Variants in ANO3 observed in about 807,000 individuals in gnomAD.
ANO3 encodes the protein anoctamin 3, also known as anoctamin-3.
A neutral mutation model predicts 144.8 loss-of-function variants in ANO3; 99 were observed. The observed-to-expected ratio is 0.68, with a 90% CI of 0.58 to 0.81. The LOEUF (loss-of-function observed/expected upper bound fraction) is 0.81, where lower values mean the gene tolerates loss of function less well. Among genes scored for constraint, ANO3 ranks in the 30% least tolerant of loss-of-function variants. The probability of loss-of-function intolerance (pLI) is 0.00; values close to 1 mark genes in which losing one functional copy is unlikely to be tolerated. For synonymous variants in ANO3, 414 were observed against 392.6 expected (o/e 1.05, Z -0.64); for missense variants, 905 against 1,202.2 (o/e 0.75, Z 3.66).
intron 17 of ANO3, among the ~76,000 whole-genome samples, chr11:26,610,711 A>C (rs1317754696): frequency 2.0e-5 from 3 of 152,254 alleles, no homozygotes; most frequent in African/African-American, 7.2e-5. Context: ...ATGTAGTGAA[A>C]GATAGTGTTG....
chr11:26,465,000 G>T (rs994424252), intron 4 of ANO3, among the ~76,000 whole-genome samples: 8 of 151,504 alleles, frequency 5.3e-5, no homozygotes, highest in African/African-American at 1.7e-4. Flanking sequence ...AATTTCCTTT[G>T]TGTACATTTG....
At chr11:26,259,823 C>G (rs1259486158) in intron 1 of ANO3, among the ~76,000 whole-genome samples, 5 of 152,008 alleles carry the variant, frequency 3.3e-5, no homozygotes, top group Admixed American at 3.3e-4. Flanking sequence ...ACATAACTTA[C>G]ATAAAGAAAA....
chr11:26,214,147 T>G (rs1851990903), intron 1 of ANO3, among the ~76,000 whole-genome samples: 1 of 152,044 alleles, frequency 6.6e-6, no homozygotes, highest in Admixed American at 6.6e-5. Context: ...GAATAAAATA[T>G]AGCATCACTC....
At chr11:26,636,762 T>G (rs926798026) in intron 20 of ANO3, among the ~76,000 whole-genome samples, 1 of 152,190 alleles carries the variant, frequency 6.6e-6, no homozygotes. Context: ...TAATGAAAAT[T>G]TATTTTGCTG....
rs916386992 is a variant in ANO3 at position 26,525,557 on chromosome 11, A to G, written c.693-78A>G. The G allele has an allele frequency of 1.6e-5, 19 of 1,160,068 alleles. No individual in the cohort carries two copies. The South Asian group carries it at 2.5e-4, about 15-fold the overall frequency. 71.9% of individuals were successfully genotyped at this position (1,160,068 alleles called of 1,614,324 possible). A position where few individuals can be genotyped will look rare whatever the true frequency, so the allele number is the denominator to read the frequency against. On this transcript the variant is annotated intron_variant, in intron 6 of 26. Transcript: ENST00000256737. ...AACTTGGAGTATAGAAATGCTCAAT[A>G]TGATTGAATGTTGTCACTCACTCGT...
chr11:26,553,224 G>GTTTTTTTTTTTTTTTTT, intron 12 of ANO3, 25 bp from the exon 13 acceptor site: 1 of 1,172,130 alleles, frequency 8.5e-7, no homozygotes, highest in Admixed American at 2.1e-5. Flanking sequence ...GTTTTGTTTT[G>GTTTTTTTTTTTTTTTTT]TTTTTGTTTT....
chr11:26,584,559 A>G (rs936662506), intron 14 of ANO3, among the ~76,000 whole-genome samples: 1 of 152,228 alleles, frequency 6.6e-6, no homozygotes, highest in African/African-American at 2.4e-5. Context: ...GTTCAATTTG[A>G]TGAACATTTA....
At chr11:26,579,409 A>G (rs1851072951) in intron 14 of ANO3, among the ~76,000 whole-genome samples, 4 of 152,192 alleles carry the variant, frequency 2.6e-5, no homozygotes. Flanking sequence ...AAAAGTAGGG[A>G]CAGAAGGAAA....
chr11:26,281,786 A>T (rs955154197), intron 1 of ANO3, among the ~76,000 whole-genome samples: 10 of 152,184 alleles, frequency 6.6e-5, no homozygotes, highest in African/African-American at 2.4e-4. Context: ...TTGAAGAGAC[A>T]TATCTTTGCC....
intron 1 of ANO3, among the ~76,000 whole-genome samples, chr11:26,231,872 G>A (rs1564926862): frequency 6.6e-6 from 1 of 152,142 alleles, no homozygotes. Context: ...TTAGTTTAAA[G>A]TGTGCTTCTG....
chr11:26,497,938 A>G (rs1192237481), intron 4 of ANO3, among the ~76,000 whole-genome samples: 1 of 151,932 alleles, frequency 6.6e-6, no homozygotes, highest in African/African-American at 2.4e-5. Context: ...TTTCTTTTGT[A>G]TTTCCATGTG....
At chr11:26,315,686 C>CTATCTATCTATCT (rs1564961787) in intron 1 of ANO3, among the ~76,000 whole-genome samples, 1 of 108,228 alleles carries the variant, frequency 9.2e-6, no homozygotes, top group African/African-American at 2.9e-5. Flanking sequence ...TCTATCTATC[C>CTATCTATCTATCT]ATCTATCTAT....
intron 1 of ANO3, among the ~76,000 whole-genome samples, chr11:26,395,225 T>C (rs980518063): frequency 6.6e-6 from 1 of 152,178 alleles, no homozygotes; most frequent in African/African-American, 2.4e-5. Flanking sequence ...TCCAGCTCTG[T>C]TCTTTTTACT....
At chr11:26,229,763 T>G (rs1852349193) in intron 1 of ANO3, among the ~76,000 whole-genome samples, 2 of 151,578 alleles carry the variant, frequency 1.3e-5, no homozygotes, top group East Asian at 3.9e-4. Context: ...AGAAAGGGTG[T>G]GAAACTTTAA....
chr11:26,210,587 T>C (rs71480110), intron 1 of ANO3, among the ~76,000 whole-genome samples: 45,982 of 152,098 alleles, frequency 0.3, 7,692 homozygotes, highest in Non-Finnish European at 0.37. Context: ...ATGGCCATTT[T>C]CATGACATTG....
intron 18 of ANO3, among the ~76,000 whole-genome samples, chr11:26,627,465 A>G (rs1299394486): frequency 6.6e-6 from 1 of 152,078 alleles, no homozygotes; most frequent in Admixed American, 6.6e-5. Flanking sequence ...TACAATAAAT[A>G]GCAATGGTCC....
intron 1 of ANO3, among the ~76,000 whole-genome samples, chr11:26,360,099 T>C (rs1174674995): frequency 6.6e-6 from 1 of 152,002 alleles, no homozygotes; most frequent in Non-Finnish European, 1.5e-5. Context: ...CTTCTAGTGT[T>C]TTTTAAATTT....
chr11:26,224,864 G>T (rs1852226003), intron 1 of ANO3, among the ~76,000 whole-genome samples: 1 of 152,150 alleles, frequency 6.6e-6, no homozygotes, highest in African/African-American at 2.4e-5. Flanking sequence ...GCAAACAAGA[G>T]GAGGAAGAGC....
At chr11:26,293,253 G>C (rs1259375991) in intron 1 of ANO3, among the ~76,000 whole-genome samples, 14 of 151,688 alleles carry the variant, frequency 9.2e-5, no homozygotes, top group Admixed American at 8.5e-4. Flanking sequence ...AAATAAAAAG[G>C]CATACAGGAT....
Sources: allele counts gnomAD v4.1 joint callset (sites outside exome capture counted in the v4.1 genomes callset), GRCh38; gene constraint gnomAD v4.1.1; transcripts MANE v1.5; gene names NCBI Gene and HGNC (gene_info 2026-07-23, HGNC 2026-07-21).